Variants in CNTN5 observed in about 807,000 individuals in gnomAD.
The protein encoded by CNTN5 is contactin-5.
Under a neutral mutation model 129.1 loss-of-function variants are expected in CNTN5, and 77 were observed. The ratio of observed to expected loss-of-function variants is 0.60; its 90% CI spans 0.50 to 0.72. The LOEUF (loss-of-function observed/expected upper bound fraction) is 0.72, where lower values mean the gene tolerates loss of function less well. CNTN5 is among the 30% of genes least tolerant of loss of function. The pLI, the probability that CNTN5 is intolerant of heterozygous loss-of-function variation, is 0.00. For synonymous variants in CNTN5, 509 were observed against 465.6 expected (o/e 1.09, Z -1.20); for missense variants, 1,478 against 1,328.8 (o/e 1.11, Z -1.75).
At position 99,747,591 on chromosome 11, in the gene CNTN5, T is replaced by G. The variant is rs1944096275; in HGVS notation, c.56-71953T>G. Among the ~76,000 whole-genome samples, 3 of 148,176 alleles carry G rather than the reference T, an allele frequency of 2.0e-5. No homozygotes were observed. The Admixed American group carries it at 2.1e-4, about 10-fold the overall frequency. On this transcript the variant is annotated intron_variant, in intron 3 of 24. Coordinates refer to ENST00000524871, the MANE Select transcript of CNTN5 (RefSeq NM_014361.4). ...CCCCATTCTCCTGACTCAGCCTCCC[T>G]CTCGAGTAGGTGGGACTACAGGCGC... is the stretch of plus-strand genomic sequence containing the variant.
chr11:99,491,491 G>C (rs979122857), intron 2 of CNTN5, among the ~76,000 whole-genome samples: 1 of 152,152 alleles, frequency 6.6e-6, no homozygotes, highest in East Asian at 1.9e-4. Flanking sequence ...GAGATTTCCA[G>C]AGTAGGAGAC....
chr11:99,668,466 C>G (rs1952891999), intron 3 of CNTN5, among the ~76,000 whole-genome samples: 1 of 152,080 alleles, frequency 6.6e-6, no homozygotes, highest in South Asian at 2.1e-4. Context: ...TCTTTGTGAA[C>G]AGCTGTGAAA....
chr11:99,166,759 C>CTTTT (rs10700454), intron 1 of CNTN5, among the ~76,000 whole-genome samples: 34,126 of 143,274 alleles, frequency 0.24, 3,943 homozygotes, highest in African/African-American at 0.26. Flanking sequence ...TTTCCTTTTT[C>CTTTT]TTTTTTTTTT....
Position 99,688,349 on chromosome 11 carries a change from T to A in CNTN5, c.56-131195T>A, listed in dbSNP as rs572535974. 2.0e-5 allele frequency among the ~76,000 whole-genome samples: 3 copies of A among 152,122 alleles called. No individual in the cohort carries two copies. The East Asian group carries it at 5.8e-4, about 29-fold the overall frequency. Reference sequence around the variant, plus strand: ...GAAGCCATCATGCCCAGCCAAGAAATTTATTTAGAAGACAAACAAACAAAA... The same window carrying A: ...GAAGCCATCATGCCCAGCCAAGAAAATTATTTAGAAGACAAACAAACAAAA... On this transcript the variant is annotated intron_variant, in intron 3 of 24. Coordinates refer to ENST00000524871, the MANE Select transcript of CNTN5 (RefSeq NM_014361.4).
chr11:99,988,429 C>A (rs7129985), intron 8 of CNTN5, among the ~76,000 whole-genome samples: 56,675 of 151,646 alleles, frequency 0.37, 11,809 homozygotes, highest in African/African-American at 0.57. Flanking sequence ...TGGTAGCCAG[C>A]TATGAGTAAG....
At chr11:100,019,318 T>A (rs1222562178) in intron 9 of CNTN5, among the ~76,000 whole-genome samples, 4 of 152,006 alleles carry the variant, frequency 2.6e-5, no homozygotes, top group African/African-American at 9.7e-5. Flanking sequence ...TTAATTTTTG[T>A]ATGATACAGG....
intron 3 of CNTN5, among the ~76,000 whole-genome samples, chr11:99,763,421 A>C (rs1944653017): frequency 6.6e-6 from 1 of 152,118 alleles, no homozygotes; most frequent in South Asian, 2.1e-4. Flanking sequence ...TGATTTTAGC[A>C]ATTTATCTTT....
chr11:100,161,867 AC>A (rs1947463071), intron 13 of CNTN5, among the ~76,000 whole-genome samples: 1 of 135,438 alleles, frequency 7.4e-6, no homozygotes, highest in African/African-American at 2.6e-5. Context: ...ACACACACAC[AC>A]ACACAAAACA....
intron 3 of CNTN5, among the ~76,000 whole-genome samples, chr11:99,583,416 C>T (rs1287852229): frequency 6.6e-6 from 1 of 152,170 alleles, no homozygotes; most frequent in Non-Finnish European, 1.5e-5. Flanking sequence ...GTGCCCTACC[C>T]CCAGAGGTGG....
intron 1 of CNTN5, among the ~76,000 whole-genome samples, chr11:99,293,912 T>G (rs1266232951): frequency 2.0e-5 from 3 of 152,030 alleles, no homozygotes; most frequent in African/African-American, 7.2e-5. Flanking sequence ...GTTTTACTTA[T>G]TTCTGTTCTT....
intron 6 of CNTN5, among the ~76,000 whole-genome samples, chr11:99,861,265 G>GT (rs1351470987): frequency 6.6e-6 from 1 of 152,020 alleles, no homozygotes; most frequent in South Asian, 2.1e-4. Flanking sequence ...CCCTTCATTT[G>GT]TTTATGTCAT....
chr11:99,697,735 G>T (rs1474756810), intron 3 of CNTN5, among the ~76,000 whole-genome samples: 3 of 151,558 alleles, frequency 2.0e-5, no homozygotes, highest in African/African-American at 4.8e-5. Flanking sequence ...CTTAATATAA[G>T]GTATCGATAA....
chr11:100,011,235 A>G (rs1940511824), intron 9 of CNTN5, among the ~76,000 whole-genome samples: 1 of 152,060 alleles, frequency 6.6e-6, no homozygotes, highest in Non-Finnish European at 1.5e-5. Context: ...GTGACCTTTT[A>G]CAGACCCTAG....
intron 1 of CNTN5, among the ~76,000 whole-genome samples, chr11:99,097,009 G>A (rs914618740): frequency 2.6e-5 from 4 of 151,826 alleles, no homozygotes; most frequent in African/African-American, 4.8e-5. Context: ...TGTATACAGT[G>A]CTACACTTTA....
chr11:99,990,394 C>CA (rs201791378), intron 8 of CNTN5, among the ~76,000 whole-genome samples: 4,178 of 146,196 alleles, frequency 0.029, 444 homozygotes, highest in East Asian at 0.27. Context: ...GGCTATTTTC[C>CA]AAAAAAAAAT....
At chr11:99,028,538 T>A (rs556808780) in intron 1 of CNTN5, among the ~76,000 whole-genome samples, 3 of 152,036 alleles carry the variant, frequency 2.0e-5, no homozygotes, top group Non-Finnish European at 4.4e-5. Flanking sequence ...TAACATTAGT[T>A]CTCTAACTGC....
intron 8 of CNTN5, among the ~76,000 whole-genome samples, chr11:99,995,867 A>G (rs1036764417): frequency 1.3e-5 from 2 of 152,170 alleles, no homozygotes; most frequent in Non-Finnish European, 2.9e-5. Context: ...GTTTTCTAAT[A>G]GGTGAAAGAC....
intron 13 of CNTN5, among the ~76,000 whole-genome samples, chr11:100,139,408 A>C (rs1222617113): frequency 6.6e-6 from 1 of 152,130 alleles, no homozygotes; most frequent in Admixed American, 6.6e-5. Flanking sequence ...TTTCAAGGAG[A>C]AGAAAAGAAT....
At position 99,091,011 on chromosome 11, in the gene CNTN5, G is replaced by C. The variant is rs1200405475; in HGVS notation, c.-210+69741G>C. On this transcript the variant is annotated intron_variant, in intron 1 of 24. Coordinates refer to ENST00000524871, the MANE Select transcript of CNTN5 (RefSeq NM_014361.4). Reference sequence around the variant, plus strand: ...CACTCCAGCCTGGGCGACAGAGCGAGACTCCGTCTCAAAAAAAAAAAAAAA... The same window carrying C: ...CACTCCAGCCTGGGCGACAGAGCGACACTCCGTCTCAAAAAAAAAAAAAAA... Among the ~76,000 whole-genome samples, 4 of 101,806 alleles carry C rather than the reference G, an allele frequency of 3.9e-5. No individual in the cohort carries two copies. In the East Asian group the frequency reaches 1.4e-3, roughly 36 times the overall value. The allele number at this position is 101,806 out of a possible 152,430, so 66.8% of individuals were successfully genotyped here.
Sources: gnomAD v4.1 joint callset for allele counts (sites outside exome capture counted in the v4.1 genomes callset) on GRCh38, gnomAD v4.1.1 for gene constraint, MANE v1.5 for transcripts, NCBI Gene and HGNC (gene_info 2026-07-23, HGNC 2026-07-21) for gene names.